The following SH3KBP1 variants were observed in gnomAD, a reference collection of about 807,000 sequenced individuals.
SH3KBP1 encodes the protein SH3 domain-containing kinase-binding protein 1.
Under a neutral mutation model 50.1 loss-of-function variants are expected in SH3KBP1, and 8 were observed. The ratio of observed to expected loss-of-function variants is 0.16; its 90% confidence interval spans 0.09 to 0.29. SH3KBP1 has a LOEUF of 0.29. SH3KBP1 is among the 10% of genes least tolerant of loss of function. The probability of loss-of-function intolerance (pLI) is 1.00; values close to 1 mark genes in which losing one functional copy is unlikely to be tolerated. For missense variants in SH3KBP1, 377 were observed against 535.2 expected (o/e 0.70, Z 2.92); for synonymous variants, 227 against 218.6 (o/e 1.04, Z -0.34).
intron 6 of SH3KBP1, among the ~76,000 whole-genome samples, chrX:19,668,963 TATATATA>T (rs1569404964): frequency 1.3e-4 from 7 of 53,841 alleles, no homozygotes; most frequent in African/African-American, 6.7e-4. Flanking sequence ...TATATATATA[TATATATA>T]TATATTTTTT....
chrX:19,861,167 G>A (rs768923876), intron 1 of SH3KBP1, among the ~76,000 whole-genome samples: 2 of 110,653 alleles, frequency 1.8e-5, no homozygotes, highest in South Asian at 3.8e-4. Flanking sequence ...ACGAGGTCAG[G>A]AGATCGAGAC....
intron 3 of SH3KBP1, among the ~76,000 whole-genome samples, chrX:19,723,985 G>A (rs925752181): frequency 9.0e-6 from 1 of 111,634 alleles, no homozygotes; most frequent in Non-Finnish European, 1.9e-5. Context: ...CTATTTATTC[G>A]AAGCAGATAA....
rs150751284 is a variant in SH3KBP1, at chrX:19,797,347, C to T, written c.162+38778G>A. 6.2e-3 allele frequency among the ~76,000 whole-genome samples: 688 copies of T among 111,417 alleles called. 5 individuals carry two copies. The highest frequency in any genetic ancestry group is 0.014 in the Middle Eastern group (3 of 219). ...GCCAAAAAGAAAAAAAGGGGCATTC[C>T]CAGCAGTGAGAATTGCAAGTGACCA... is the stretch of plus-strand genomic sequence containing the variant. On this transcript the variant is annotated intron_variant, in intron 2 of 17. Transcript: ENST00000397821.
chrX:19,733,829 G>A (rs894346333), intron 3 of SH3KBP1, among the ~76,000 whole-genome samples: 8 of 111,082 alleles, frequency 7.2e-5, no homozygotes, highest in South Asian at 3.7e-4. Flanking sequence ...AACAAATGAC[G>A]GAAGAAAAAA....
rs1474075705 is a variant in SH3KBP1, at chrX:19,766,211, G to A, written c.163-19770C>T. 2.7e-5 allele frequency among the ~76,000 whole-genome samples: 3 copies of A among 110,255 alleles called. No homozygotes were observed. The South Asian group carries it at 1.2e-3, about 43-fold the overall frequency. The stretch of plus-strand genomic sequence containing the variant: ...TTTTTTTATAGCAGCCATCCTAATG[G>A]GTATGAGGTGCAATCTCACTGTGAT... On this transcript the variant is annotated intron_variant, in intron 2 of 17. Coordinates refer to ENST00000397821, the MANE Select transcript of SH3KBP1 (RefSeq NM_031892.3).
intron 2 of SH3KBP1, chrX:19,799,772 C>T: frequency 8.5e-7 from 1 of 1,177,219 alleles, no homozygotes; most frequent in South Asian, 1.9e-5. Flanking sequence ...GCAAGTCTCT[C>T]TGATTCACTT....
In SH3KBP1 at chrX:19,617,130, G is replaced by A. The variant is rs183408218; in HGVS notation, c.898-9085C>T. ...CCAATAAATGAGTCTGCTACTCTTT[G>A]TTTGGGCTCCACTGCCCTGTGCTGC... On this transcript the variant is annotated intron_variant, in intron 8 of 17. Transcript: ENST00000397821. Among the ~76,000 whole-genome samples, 11 of 112,331 alleles carry A rather than the reference G, an allele frequency of 9.8e-5. No homozygotes were observed. The East Asian group carries it at 1.1e-3, about 11-fold the overall frequency.
intron 8 of SH3KBP1, among the ~76,000 whole-genome samples, chrX:19,624,592 T>C (rs975046530): frequency 8.9e-6 from 1 of 111,979 alleles, no homozygotes; most frequent in Non-Finnish European, 1.9e-5. Context: ...CCCCAAGCCC[T>C]ATGTTTACCA....
At chrX:19,868,552 T>C (rs1031201934) in intron 1 of SH3KBP1, among the ~76,000 whole-genome samples, 4 of 107,615 alleles carry the variant, frequency 3.7e-5, no homozygotes, top group African/African-American at 1.4e-4. Flanking sequence ...AACTGATCAT[T>C]CTCTCTAGTA....
In SH3KBP1 at chrX:19,535,691, GA is replaced by G. The variant is rs1208124627; in HGVS notation, c.*725del. 9.0e-6 allele frequency: 1 copy of G among 111,073 alleles called. No homozygotes were observed. Among genetic ancestry groups the G allele is most frequent in the African/African-American group, 3.3e-5 (1 of 30,513 alleles). The allele number at this position is 111,073 out of a possible 1,213,427, so 9.2% of individuals were successfully genotyped here. The stretch of plus-strand genomic sequence containing the variant: ...CTCTAGTGGACTTGGATAAGTGGCA[GA>G]TTTTTTTTTTTTAATTTTTAATTTT... On this transcript the variant is annotated 3_prime_UTR_variant, in exon 18 of 18. Coordinates refer to ENST00000397821, the MANE Select transcript of SH3KBP1 (RefSeq NM_031892.3).
At chrX:19,795,706 G>A (rs1347843000) in intron 2 of SH3KBP1, among the ~76,000 whole-genome samples, 1 of 111,652 alleles carries the variant, frequency 9.0e-6, no homozygotes, top group Non-Finnish European at 1.9e-5. Flanking sequence ...CTGTTTGTGC[G>A]TAATTCACAA....
At chrX:19,779,877 G>T (rs1418708113) in intron 2 of SH3KBP1, among the ~76,000 whole-genome samples, 1 of 97,301 alleles carries the variant, frequency 1.0e-5, no homozygotes, top group Non-Finnish European at 2.1e-5. Context: ...GAATAATGCC[G>T]CAATAAACAT....
intron 1 of SH3KBP1, among the ~76,000 whole-genome samples, chrX:19,873,740 G>A (rs2069141523): frequency 9.4e-6 from 1 of 106,602 alleles, no homozygotes. Flanking sequence ...ATGATAGTAA[G>A]AGGAGTTCAT....
intron 6 of SH3KBP1, among the ~76,000 whole-genome samples, chrX:19,662,373 G>A (rs926272276): frequency 8.9e-6 from 1 of 111,824 alleles, no homozygotes; most frequent in Admixed American, 9.5e-5. Context: ...TCATACATCT[G>A]TAAGGGACTG....
intron 12 of SH3KBP1, among the ~76,000 whole-genome samples, chrX:19,577,426 A>T (rs776423301): frequency 2.3e-3 from 258 of 111,611 alleles, no homozygotes; most frequent in Middle Eastern, 4.6e-3. Flanking sequence ...CCAGCTAAGT[A>T]AATTACCTTT....
intron 12 of SH3KBP1, among the ~76,000 whole-genome samples, chrX:19,570,115 T>C (rs1302498082): frequency 4.5e-5 from 5 of 112,225 alleles, no homozygotes; most frequent in Non-Finnish European, 7.5e-5. Flanking sequence ...CAACAAGCAC[T>C]TGTCATGTGC....
intron 1 of SH3KBP1, among the ~76,000 whole-genome samples, chrX:19,840,389 T>G (rs935919711): frequency 1.8e-5 from 2 of 112,781 alleles, no homozygotes; most frequent in African/African-American, 6.4e-5. Context: ...ATCAATTGCA[T>G]GTTGAAGTGA....
At chrX:19,878,426 C>T (rs192042625) in intron 1 of SH3KBP1, among the ~76,000 whole-genome samples, 43 of 105,595 alleles carry the variant, frequency 4.1e-4, no homozygotes, top group Admixed American at 1.8e-3. Context: ...GCCCCAGCCT[C>T]CTGAGTAGCT....
intron 14 of SH3KBP1, among the ~76,000 whole-genome samples, chrX:19,548,743 A>G (rs1185897849): frequency 2.7e-5 from 3 of 110,457 alleles, no homozygotes; most frequent in Non-Finnish European, 5.7e-5. Flanking sequence ...AAACCTGCAA[A>G]AGGTTAATTC....
Sources: gnomAD v4.1 joint callset for allele counts (sites outside exome capture counted in the v4.1 genomes callset) on GRCh38, gnomAD v4.1.1 for gene constraint, MANE v1.5 for transcripts, NCBI Gene and HGNC (gene_info 2026-07-23, HGNC 2026-07-21) for gene names.